CHL1: variants seen among roughly 807,000 people sequenced by gnomAD.
The protein encoded by CHL1 is cell adhesion molecule L1 like, also known as neural cell adhesion molecule L1-like protein.
In CHL1, 96 loss-of-function variants were observed where a neutral mutation model predicts 141.9. The ratio of observed to expected loss-of-function variants is 0.68; its 90% confidence interval spans 0.57 to 0.80. CHL1 has a LOEUF of 0.80. Ranked by LOEUF, CHL1 falls within the 30% of genes least tolerant of loss-of-function variation. CHL1 has a pLI of 0.00. For missense variants in CHL1, 1,820 were observed against 1,457.2 expected (o/e 1.25, Z -4.05); for synonymous variants, 613 against 502.2 (o/e 1.22, Z -2.95).
rs73100356 is a variant in CHL1, at chr3:282,263, C to T, written c.-94-37420C>T. ...ACAGAAACTTTGCTCTAATATGTAC[C>T]TGTTACTTCTTTCCTCCTTGGCTGT... On this transcript the variant is annotated intron_variant, in intron 2 of 27. Coordinates refer to ENST00000256509, the MANE Select transcript of CHL1 (RefSeq NM_006614.4). Among the ~76,000 whole-genome samples the T allele has an allele frequency of 4.3e-3, 656 of 152,220 alleles. 9 individuals are homozygous for T. Among genetic ancestry groups the T allele is most frequent in the African/African-American group, 0.015 (625 of 41,526 alleles).
At chr3:327,754 T>C (rs965906868) in intron 4 of CHL1, among the ~76,000 whole-genome samples, 7 of 151,966 alleles carry the variant, frequency 4.6e-5, no homozygotes, top group Non-Finnish European at 8.8e-5. Flanking sequence ...CTAAAAATAC[T>C]AATAGGAAAT....
At chr3:243,027 T>G (rs1692813889) in intron 1 of CHL1, among the ~76,000 whole-genome samples, 1 of 152,132 alleles carries the variant, frequency 6.6e-6, no homozygotes, top group African/African-American at 2.4e-5. Context: ...TGAAGAGATG[T>G]CTTAGACAGA....
At chr3:388,461 C>T (rs7640826) in intron 19 of CHL1, among the ~76,000 whole-genome samples, 99,430 of 151,222 alleles carry the variant, frequency 0.66, 34,250 homozygotes, top group South Asian at 0.79. Context: ...GAAAGAGAAT[C>T]GCTTGCACCC....
chr3:308,554 A>G (rs1189658035), intron 2 of CHL1, among the ~76,000 whole-genome samples: 1 of 151,268 alleles, frequency 6.6e-6, no homozygotes, highest in African/African-American at 2.4e-5. Context: ...ATAAACATAG[A>G]TAGTCATATA....
chr3:220,831 T>C (rs1348590407), intron 1 of CHL1, among the ~76,000 whole-genome samples: 1 of 152,224 alleles, frequency 6.6e-6, no homozygotes, highest in Non-Finnish European at 1.5e-5. Flanking sequence ...CATAACCTCC[T>C]TTTAGAGGAG....
chr3:206,192 A>G (rs3956145), intron 1 of CHL1, among the ~76,000 whole-genome samples: 143,947 of 152,306 alleles, frequency 0.95, 68,383 homozygotes, highest in East Asian at 1. Context: ...AACCTGCCAG[A>G]GGTGGTGGTG....
intron 2 of CHL1, among the ~76,000 whole-genome samples, chr3:250,457 T>C (rs2125135329): frequency 6.6e-6 from 1 of 152,198 alleles, no homozygotes; most frequent in South Asian, 2.1e-4. Flanking sequence ...GCAAACCTAG[T>C]GGAAGATTAG....
chr3:349,180 C>T (rs1703027018), intron 9 of CHL1, among the ~76,000 whole-genome samples, 179 bp from the exon 10 acceptor site: 1 of 152,182 alleles, frequency 6.6e-6, no homozygotes, highest in Non-Finnish European at 1.5e-5. Flanking sequence ...CTTGCTTCAA[C>T]ACCAGTGTTC....
chr3:216,106 A>G (rs1700295846), intron 1 of CHL1, among the ~76,000 whole-genome samples: 1 of 152,176 alleles, frequency 6.6e-6, no homozygotes, highest in Non-Finnish European at 1.5e-5. Context: ...AAAAATGTAA[A>G]CAAAAATTGA....
chr3:381,292 G>A (rs903146522), intron 16 of CHL1, among the ~76,000 whole-genome samples: 17 of 152,086 alleles, frequency 1.1e-4, no homozygotes, highest in Admixed American at 3.3e-4. Flanking sequence ...TGGAGACATG[G>A]GCCCAGAAAA....
intron 1 of CHL1, among the ~76,000 whole-genome samples, chr3:218,829 C>T (rs1013915252): frequency 4.6e-5 from 7 of 152,160 alleles, no homozygotes; most frequent in South Asian, 2.1e-4. Context: ...CATTTCGCAC[C>T]GGTCAGAATG....
At position 340,934 on chromosome 3, in the gene CHL1, C is replaced by G. The variant is rs367553800; in HGVS notation, c.508+18C>G. The G allele has an allele frequency of 1.1e-4, 175 of 1,600,106 alleles. 1 individual carries two copies. The highest frequency in any genetic ancestry group is 1.4e-4 in the Non-Finnish European group (166 of 1,174,792). ...GAATATTGGTAAGTAATGCTCCGTT[C>G]CATCAAAAAAGGGGGACATTTTAAT... On this transcript the variant is annotated intron_variant, in intron 6 of 27. Transcript: ENST00000256509.
intron 1 of CHL1, among the ~76,000 whole-genome samples, chr3:199,084 C>G (rs900101278): frequency 2.6e-5 from 4 of 152,188 alleles, no homozygotes; most frequent in Admixed American, 2.0e-4. Flanking sequence ...TGTGAGGGAC[C>G]ACCATTTGGC....
At chr3:327,427 T>TA (rs1701101364) in intron 4 of CHL1, among the ~76,000 whole-genome samples, 1 of 151,490 alleles carries the variant, frequency 6.6e-6, no homozygotes. Context: ...GTGTACATTT[T>TA]TTTTCTAGAA....
rs193263235 is a variant in CHL1 at position 328,503 on chromosome 3, A to G, written c.385+149A>G. ...TTATTTATAAGGAAAAATTTCCTCC[A>G]GGTCTTGATACTTAAAATCGGATGA... is the stretch of plus-strand genomic sequence containing the variant. On this transcript the variant is annotated intron_variant, in intron 5 of 27. Transcript: ENST00000256509. The G allele has an allele frequency of 5.7e-4, 314 of 555,564 alleles. 1 individual carries two copies. In the South Asian group the frequency reaches 6.5e-3, roughly 11 times the overall value. The allele number at this position is 555,564 out of a possible 1,614,324, so 34.4% of individuals were successfully genotyped here. A position where few individuals can be genotyped will look rare whatever the true frequency, so the allele number is the denominator to read the frequency against.
intron 15 of CHL1, among the ~76,000 whole-genome samples, chr3:368,283 T>C (rs927752318): frequency 6.6e-6 from 1 of 152,144 alleles, no homozygotes; most frequent in Non-Finnish European, 1.5e-5. Context: ...TTTTAATAAT[T>C]GCCATTCTGA....
At chr3:269,993 G>T (rs1695494397) in intron 2 of CHL1, among the ~76,000 whole-genome samples, 1 of 152,208 alleles carries the variant, frequency 6.6e-6, no homozygotes, top group African/African-American at 2.4e-5. Flanking sequence ...TGCAGAACCT[G>T]ACCCAGTAGA....
intron 2 of CHL1, among the ~76,000 whole-genome samples, chr3:285,393 T>G (rs1014438457): frequency 1.3e-5 from 2 of 152,246 alleles, no homozygotes; most frequent in Admixed American, 6.5e-5. Flanking sequence ...AGCCAATGTA[T>G]ATTTTTATAC....
intron 2 of CHL1, among the ~76,000 whole-genome samples, chr3:257,419 C>T (rs1462914423): frequency 6.6e-6 from 1 of 150,416 alleles, no homozygotes; most frequent in Non-Finnish European, 1.5e-5. Flanking sequence ...AGTGGCACCA[C>T]CTCGGCTCAC....
Sources: allele counts gnomAD v4.1 joint callset (sites outside exome capture counted in the v4.1 genomes callset), GRCh38; gene constraint gnomAD v4.1.1; transcripts MANE v1.5; gene names NCBI Gene and HGNC (gene_info 2026-07-23, HGNC 2026-07-21).